The following SEC23IP variants were observed in gnomAD, a reference collection of about 807,000 sequenced individuals.
The protein encoded by SEC23IP is SEC23 interacting protein.
A neutral mutation model predicts 113.4 loss-of-function variants in SEC23IP; 70 were observed. The observed-to-expected ratio is 0.62, with a 90% CI of 0.51 to 0.75. The LOEUF is 0.75. SEC23IP is among the 30% of genes least tolerant of loss of function. SEC23IP has a pLI of 0.00. For missense variants in SEC23IP, 1,160 were observed against 1,204.9 expected, an observed-to-expected ratio of 0.96 and a Z score of 0.55; for synonymous variants, 398 against 421.0, an observed-to-expected ratio of 0.95 and a Z score of 0.67.
At chr10:119,931,415 G>T (rs1855595395) in intron 15 of SEC23IP, among the ~76,000 whole-genome samples, 1 of 151,030 alleles carries the variant, frequency 6.6e-6, no homozygotes, top group Admixed American at 6.6e-5. Context: ...GCCCAGGCTG[G>T]TCTTGAACTC....
At chr10:119,920,246 A>G (rs1041975542) in intron 11 of SEC23IP, among the ~76,000 whole-genome samples, 3 of 152,238 alleles carry the variant, frequency 2.0e-5, no homozygotes, top group Non-Finnish European at 2.9e-5. Flanking sequence ...TTTCATTGCC[A>G]GGAATATTTC....
In SEC23IP at chr10:119,918,266, ATAAT is replaced by A. The variant is rs570787732; in HGVS notation, c.1754-120_1754-117del. 1.6e-3 allele frequency: 1,124 copies of A among 688,828 alleles called. 15 individuals carry two copies. In the African/African-American group the frequency reaches 0.018, roughly 11 times the overall value. 42.7% of individuals were successfully genotyped at this position (688,828 alleles called of 1,614,324 possible). ...TTACTTTATTCTGCTGTTTGATAAA[ATAAT>A]TAATTATCAGGTCTTGAATAACATG... On this transcript the variant is annotated intron_variant, in intron 9 of 18. Coordinates refer to ENST00000369075, the MANE Select transcript of SEC23IP (RefSeq NM_007190.4).
intron 2 of SEC23IP, among the ~76,000 whole-genome samples, chr10:119,899,803 G>T (rs1423297259): frequency 6.6e-6 from 1 of 152,124 alleles, no homozygotes; most frequent in African/African-American, 2.4e-5. Flanking sequence ...AAGGTTTTTA[G>T]ATAAAAGTTT....
intron 12 of SEC23IP, among the ~76,000 whole-genome samples, chr10:119,924,697 G>A (rs1855366214): frequency 6.6e-6 from 1 of 152,220 alleles, no homozygotes; most frequent in East Asian, 1.9e-4. Flanking sequence ...ACAAGCGTCA[G>A]CCACTGGGCC....
At chr10:119,910,703 A>G (rs1854827286) in intron 5 of SEC23IP, among the ~76,000 whole-genome samples, 1 of 152,048 alleles carries the variant, frequency 6.6e-6, no homozygotes, top group African/African-American at 2.4e-5. Context: ...TTTTTTTAAG[A>G]AATAAGGTCT....
At chr10:119,914,020 C>T (rs1041389258) in intron 6 of SEC23IP, among the ~76,000 whole-genome samples, 4 of 151,908 alleles carry the variant, frequency 2.6e-5, no homozygotes, top group African/African-American at 7.2e-5. Flanking sequence ...ATTAACTGGG[C>T]GTGGTGGTGG....
intron 1 of SEC23IP, chr10:119,898,167 G>A (rs1290757318): frequency 4.8e-6 from 2 of 413,696 alleles, no homozygotes; most frequent in Non-Finnish European, 8.0e-6. Flanking sequence ...TGTTAACAGC[G>A]TGATTGTCTC....
At position 119,914,716 on chromosome 10, in the gene SEC23IP, A is replaced by ATT; in HGVS notation, c.1313-7_1313-6dup. ...TCCCATCTTTTATGTAGGTTTAAAA[A>ATT]TTTTTTTTGATAGGGGAGATGCCTC... On this transcript the variant is annotated splice_polypyrimidine_tract_variant and intron_variant, in intron 6 of 18. Coordinates refer to ENST00000369075, the MANE Select transcript of SEC23IP (RefSeq NM_007190.4). 6.2e-7 allele frequency: 1 copy of ATT among 1,608,526 alleles called. No homozygotes were observed.
intron 16 of SEC23IP, among the ~76,000 whole-genome samples, chr10:119,932,576 G>A (rs138014487): frequency 6.6e-6 from 1 of 152,204 alleles, no homozygotes; most frequent in Non-Finnish European, 1.5e-5. Flanking sequence ...AGATTCTTAA[G>A]GCCAGAGTGG....
intron 13 of SEC23IP, among the ~76,000 whole-genome samples, chr10:119,928,360 A>C (rs1009799634): frequency 6.6e-6 from 1 of 152,114 alleles, no homozygotes; most frequent in African/African-American, 2.4e-5. Flanking sequence ...TTGTTCTTTA[A>C]CTTTCTTTTT....
Position 119,898,838 on chromosome 10 carries a change from C to T in SEC23IP, c.575C>T (p.Ala192Val), listed in dbSNP as rs756052926. 2.5e-6 allele frequency: 4 copies of T among 1,613,474 alleles called. No individual in the cohort carries two copies. The highest frequency in any genetic ancestry group is 3.3e-5 in the Admixed American group (2 of 60,018). Residue 192 changes from alanine (A) to valine (V), a missense_variant, in exon 2 of 19, where the codon GCT becomes GTT. Transcript: ENST00000369075. ...CGCCATACCCCTGGCAGCAGCAGGG[C>T]TAATCCTTACATTGCACCACCCCAG... ...PYRHTPGSSR[A>V]NPYIAPPQLQ...
chr10:119,922,075 C>T (rs987473805), intron 12 of SEC23IP, among the ~76,000 whole-genome samples: 2 of 151,944 alleles, frequency 1.3e-5, no homozygotes, highest in African/African-American at 2.4e-5. Flanking sequence ...TGTCTAGTTG[C>T]GGGGAGCACG....
chr10:119,903,481 T>C (rs1409443296), intron 3 of SEC23IP, among the ~76,000 whole-genome samples: 1 of 152,196 alleles, frequency 6.6e-6, no homozygotes, highest in African/African-American at 2.4e-5. Context: ...AATGTGTTTC[T>C]TTGTTTATCC....
intron 12 of SEC23IP, among the ~76,000 whole-genome samples, chr10:119,924,452 G>A (rs369084129): frequency 1.3e-5 from 2 of 150,684 alleles, no homozygotes; most frequent in Non-Finnish European, 2.9e-5. Context: ...ACGGAGTCCC[G>A]CTCTGTTGCT....
chr10:119,895,170 G>T (rs1854233493), intron 1 of SEC23IP, among the ~76,000 whole-genome samples: 1 of 152,130 alleles, frequency 6.6e-6, no homozygotes, highest in Non-Finnish European at 1.5e-5. Flanking sequence ...GATCACCTGA[G>T]GTCAGGAGTT....
intron 8 of SEC23IP, 111 bp from the exon 9 acceptor site, chr10:119,917,725 C>T (rs1200083630): frequency 6.9e-6 from 5 of 725,188 alleles, no homozygotes; most frequent in Non-Finnish European, 1.1e-5. Flanking sequence ...AACTCATAGT[C>T]TGTGGGGTTT....
In SEC23IP at chr10:119,943,348, G is replaced by A. The variant is rs772179187; in HGVS notation, c.*2783G>A. The A allele has an allele frequency of 6.6e-6, 1 of 152,126 alleles. No homozygotes were observed. The highest frequency in any genetic ancestry group is 2.4e-5 in the African/African-American group (1 of 41,396). The allele number at this position is 152,126 out of a possible 1,614,324, so 9.4% of individuals were successfully genotyped here. On this transcript the variant is annotated 3_prime_UTR_variant, in exon 19 of 19. Transcript: ENST00000369075. ...TGTTCCTGCTGTTGACTGTCCCTGC[G>A]GTGCACGGGACAGACTGTCAGCTAA...
At chr10:119,907,608 C>A (rs1854719372) in intron 4 of SEC23IP, among the ~76,000 whole-genome samples, 1 of 152,106 alleles carries the variant, frequency 6.6e-6, no homozygotes, top group Admixed American at 6.6e-5. Flanking sequence ...GGTTCCGTAT[C>A]TGCAGATTCA....
chr10:119,925,367 G>A (rs1392429951), intron 12 of SEC23IP, among the ~76,000 whole-genome samples: 1 of 152,048 alleles, frequency 6.6e-6, no homozygotes, highest in Non-Finnish European at 1.5e-5. Context: ...CTTTTACTCA[G>A]TATTTTTGAG....
Sources: allele counts gnomAD v4.1 joint callset (sites outside exome capture counted in the v4.1 genomes callset), GRCh38; gene constraint gnomAD v4.1.1; transcripts MANE v1.5; gene names NCBI Gene and HGNC (gene_info 2026-07-23, HGNC 2026-07-21).